Variants in GALNT16 observed in about 807,000 individuals in gnomAD.
The protein encoded by GALNT16 is polypeptide N-acetylgalactosaminyltransferase 16, also known as UDP-GalNAc:polypeptide N-acetylgalactosaminyltransferase-like protein 1.
GALNT16 carries 40 observed loss-of-function variants against 76.1 expected under a neutral mutation model. The observed-to-expected ratio is 0.53, with a 90% CI of 0.41 to 0.68. GALNT16 has a LOEUF of 0.68. Among genes scored for constraint, GALNT16 ranks in the 30% least tolerant of loss-of-function variants. The probability of loss-of-function intolerance (pLI) is 0.00; values close to 1 mark genes in which losing one functional copy is unlikely to be tolerated. For missense variants in GALNT16, 621 were observed against 731.9 expected, an observed-to-expected ratio of 0.85 and a Z score of 1.75; for synonymous variants, 276 against 285.2, an observed-to-expected ratio of 0.97 and a Z score of 0.32.
At chr14:69,324,893 G>T in intron 3 of GALNT16, 103 bp downstream of exon 3, 1 of 673,788 alleles carries the variant, frequency 1.5e-6, no homozygotes, top group African/African-American at 1.8e-5. Context: ...GGTGCTGGAG[G>T]CTGAGTCCTG....
At chr14:69,268,344 T>C (rs1372946009) in intron 1 of GALNT16, among the ~76,000 whole-genome samples, 4 of 152,186 alleles carry the variant, frequency 2.6e-5, no homozygotes, top group African/African-American at 9.7e-5. Flanking sequence ...GTTTCAGTAG[T>C]TCAGGGGGTT....
At chr14:69,287,413 G>T (rs754473531) in intron 1 of GALNT16, among the ~76,000 whole-genome samples, 1 of 152,242 alleles carries the variant, frequency 6.6e-6, no homozygotes, top group Non-Finnish European at 1.5e-5. Context: ...GTGCAAGAAA[G>T]AAGTGTTTAT....
chr14:69,278,057 G>A (rs1023617314), intron 1 of GALNT16, among the ~76,000 whole-genome samples: 1 of 150,822 alleles, frequency 6.6e-6, no homozygotes, highest in East Asian at 1.9e-4. Context: ...GACCCAGGCT[G>A]GAGTGCTGTG....
chr14:69,309,179 G>A (rs1466101691), intron 1 of GALNT16, among the ~76,000 whole-genome samples: 1 of 151,888 alleles, frequency 6.6e-6, no homozygotes, highest in East Asian at 1.9e-4. Flanking sequence ...TATAACTCAG[G>A]AAAAGCCAGA....
chr14:69,363,603 T>C, the GALNT16 span, among the ~76,000 whole-genome samples: 1 of 152,176 alleles, frequency 6.6e-6, no homozygotes. Flanking sequence ...CCCAGTTCCT[T>C]GAGGAAGAAG....
intron 1 of GALNT16, among the ~76,000 whole-genome samples, chr14:69,301,102 A>AG (rs75643517): frequency 0.12 from 18,088 of 145,660 alleles, 1,260 homozygotes; most frequent in East Asian, 0.43. Context: ...TGGGGATTTC[A>AG]GGCTCCAGGG....
chr14:69,349,755 A>G (rs1362516010), intron 14 of GALNT16: 1 of 152,254 alleles, frequency 6.6e-6, no homozygotes, highest in Non-Finnish European at 1.5e-5. Context: ...TGGAGATGGG[A>G]CAGTGGGTGA....
chr14:69,383,436 T>G, the GALNT16 span, among the ~76,000 whole-genome samples: 1 of 152,310 alleles, frequency 6.6e-6, no homozygotes, highest in Non-Finnish European at 1.5e-5. Context: ...GTCTGAGGAG[T>G]AACGGCCCAA....
chr14:69,319,943 G>A (rs1280157245), intron 1 of GALNT16, among the ~76,000 whole-genome samples: 1 of 152,218 alleles, frequency 6.6e-6, no homozygotes, highest in Non-Finnish European at 1.5e-5. Flanking sequence ...CTGATCGGGT[G>A]CCTCATATAA....
rs369678966 is a variant in GALNT16 at position 69,347,105 on chromosome 14, G to A, written c.1337G>A (p.Gly446Asp). 1.2e-6 allele frequency: 2 copies of A among 1,613,866 alleles called. No homozygotes were observed. The highest frequency in any genetic ancestry group is 2.7e-5 in the African/African-American group (2 of 74,892). ...KQGVNCLESQGQNTAGDFLLG... is the reference protein window; with the variant it reads ...KQGVNCLESQDQNTAGDFLLG... ...GGGGTGAACTGCTTAGAATCTCAGG[G>A]CCAGAACACAGCTGGTGACTTCCTG... is the stretch of plus-strand genomic sequence containing the variant. The change falls in exon 13 of 15, where the codon GGC becomes GAC. Residue 446 changes from glycine (G) to aspartate (D), a missense_variant. Gly to Asp is a moderately conservative substitution (Grantham distance 94). Transcript: ENST00000448469.
At chr14:69,269,622 G>A (rs2044381695) in intron 1 of GALNT16, among the ~76,000 whole-genome samples, 1 of 150,122 alleles carries the variant, frequency 6.7e-6, no homozygotes, top group Admixed American at 6.6e-5. Flanking sequence ...TATGTTGTGT[G>A]TGTGTGGTAT....
At chr14:69,283,818 G>A (rs182903994) in intron 1 of GALNT16, among the ~76,000 whole-genome samples, 59 of 152,194 alleles carry the variant, frequency 3.9e-4, no homozygotes, top group Non-Finnish European at 7.6e-4. Context: ...CTGCTTTCTC[G>A]TCTTCCCTGT....
At chr14:69,299,633 C>G (rs2044820800) in intron 1 of GALNT16, among the ~76,000 whole-genome samples, 1 of 152,158 alleles carries the variant, frequency 6.6e-6, no homozygotes, top group South Asian at 2.1e-4. Context: ...TTTGCAGGTG[C>G]AGAGGTGGAG....
chr14:69,385,139 C>T, the GALNT16 span, among the ~76,000 whole-genome samples: 1 of 152,174 alleles, frequency 6.6e-6, no homozygotes, highest in Non-Finnish European at 1.5e-5. Flanking sequence ...CTGTTGTCCT[C>T]ATATATGCCC....
chr14:69,317,937 C>T (rs890386072), intron 1 of GALNT16, among the ~76,000 whole-genome samples: 1 of 152,102 alleles, frequency 6.6e-6, no homozygotes, highest in Non-Finnish European at 1.5e-5. Flanking sequence ...GGGTGGTGAC[C>T]GGGGCGAGGC....
At chr14:69,381,290 G>T in the GALNT16 span, among the ~76,000 whole-genome samples, 1 of 151,988 alleles carries the variant, frequency 6.6e-6, no homozygotes, top group Non-Finnish European at 1.5e-5. Flanking sequence ...AACAATACTA[G>T]AACAAACTTT....
At chr14:69,325,628 A>T (rs1478750412) in intron 4 of GALNT16, among the ~76,000 whole-genome samples, 1 of 152,182 alleles carries the variant, frequency 6.6e-6, no homozygotes, top group Admixed American at 6.5e-5. Flanking sequence ...TAGTGAGATG[A>T]TATTGTTTTT....
intron 1 of GALNT16, among the ~76,000 whole-genome samples, chr14:69,309,894 T>A (rs771191564): frequency 4.6e-5 from 7 of 152,228 alleles, no homozygotes; most frequent in Non-Finnish European, 1.0e-4. Context: ...AATTTTTTTC[T>A]TTATACTTTT....
At chr14:69,371,486 G>A in the GALNT16 span, among the ~76,000 whole-genome samples, 1 of 151,388 alleles carries the variant, frequency 6.6e-6, no homozygotes, top group South Asian at 2.1e-4. Context: ...TCGGTCTCCT[G>A]ACCTCGTGAT....
Sources: allele counts gnomAD v4.1 joint callset (sites outside exome capture counted in the v4.1 genomes callset), GRCh38; gene constraint gnomAD v4.1.1; transcripts MANE v1.5; gene names NCBI Gene and HGNC (gene_info 2026-07-23, HGNC 2026-07-21).